Variants in IL1RN observed in about 807,000 individuals in gnomAD.
IL1RN encodes interleukin 1 receptor antagonist.
Under a neutral mutation model 13.7 loss-of-function variants are expected in IL1RN, and 10 were observed. That is an observed-to-expected ratio of 0.73 (90% CI 0.45 to 1.24). IL1RN has a LOEUF of 1.24. Among genes scored for constraint, IL1RN ranks in the 50% most tolerant of loss-of-function variants. The pLI, the probability that IL1RN is intolerant of heterozygous loss-of-function variation, is 0.00. For synonymous variants in IL1RN, 102 were observed against 82.7 expected, an observed-to-expected ratio of 1.23 and a Z score of -1.27; for missense variants, 213 against 222.1, an observed-to-expected ratio of 0.96 and a Z score of 0.26.
chr2:113,127,598 A>G lies in IL1RN; in HGVS notation c.-27A>G. 1 of 1,612,688 alleles carries G rather than the reference A, an allele frequency of 6.2e-7. No homozygotes were observed. The highest frequency in any genetic ancestry group is 8.5e-7 in the Non-Finnish European group (1 of 1,179,204). ...ACCACAACTCTGGGCCCGCAATGGCAGTCCACTGCCTTGCTGCAGTCACAG... is the reference window on the plus strand; with the variant it reads ...ACCACAACTCTGGGCCCGCAATGGCGGTCCACTGCCTTGCTGCAGTCACAG... On this transcript the variant is annotated 5_prime_UTR_variant, in exon 1 of 4. Transcript: ENST00000409930.
At chr2:113,107,082 A>G (rs1322074905), upstream of IL1RN, 2 of 152,222 alleles carry the variant, frequency 1.3e-5, no homozygotes, top group Non-Finnish European at 2.9e-5. Context: ...TTAAGACACT[A>G]TGAGGATAGT....
At chr2:113,121,135 TTCA>T (rs34928804) in intron 2 of IL1RN, among the ~76,000 whole-genome samples, 74,947 of 150,796 alleles carry the variant, frequency 0.5, 19,657 homozygotes, top group Middle Eastern at 0.6. Flanking sequence ...CTTATTCTTC[TTCA>T]TCGTCTTCGT....
upstream of IL1RN, among the ~76,000 whole-genome samples, chr2:113,105,114 G>A (rs1180311284): frequency 6.6e-6 from 1 of 152,184 alleles, no homozygotes; most frequent in African/African-American, 2.4e-5. Context: ...CTGGGCTCAG[G>A]GGTGGATGAG....
chr2:113,123,841 T>C (rs931486176), upstream of IL1RN, among the ~76,000 whole-genome samples: 2 of 152,126 alleles, frequency 1.3e-5, no homozygotes, highest in African/African-American at 4.8e-5. Context: ...GGCAGAGAAC[T>C]AACAACTGTA....
upstream of IL1RN, chr2:113,117,879 T>C (rs561597855): frequency 1.3e-6 from 1 of 768,930 alleles, no homozygotes; most frequent in Admixed American, 1.7e-5. Context: ...CTCTCTGAGG[T>C]GCTCTGGAAG....
chr2:113,120,208 G>A (rs1686722331), intron 2 of IL1RN: 2 of 955,022 alleles, frequency 2.1e-6, no homozygotes, highest in South Asian at 2.6e-5. Context: ...TGTAGTTGAA[G>A]GAAATTAAAG....
rs1000283096 is a variant in IL1RN, at chr2:113,121,431, T to C, written c.73+1303T>C. ...TCCCCATGGTGTCTGTTCTTCTCCA[T>C]TTCCTCCTGTCTGCAGGGGGATTAT... On this transcript the variant is annotated intron_variant, in intron 2 of 5. Coordinates refer to the IL1RN transcript ENST00000259206. 10 of 984,500 alleles carry C rather than the reference T, an allele frequency of 1.0e-5. No homozygotes were observed. The African/African-American group carries it at 1.7e-4, about 17-fold the overall frequency. 61.0% of individuals were successfully genotyped at this position (984,500 alleles called of 1,614,324 possible). A position where few individuals can be genotyped will look rare whatever the true frequency, so the allele number is the denominator to read the frequency against.
upstream of IL1RN, among the ~76,000 whole-genome samples, chr2:113,106,704 C>T (rs559450436): frequency 6.6e-6 from 1 of 152,266 alleles, no homozygotes; most frequent in South Asian, 2.1e-4. Context: ...CTTTCAACTT[C>T]AGGCATGAAG....
upstream of IL1RN, chr2:113,112,977 C>A (rs1686526215): frequency 6.6e-6 from 1 of 152,176 alleles, no homozygotes; most frequent in Non-Finnish European, 1.5e-5. Flanking sequence ...TGACTGACGG[C>A]TCTACCACCT....
chr2:113,129,326 G>T (rs987415321), intron 1 of IL1RN, among the ~76,000 whole-genome samples: 1 of 152,208 alleles, frequency 6.6e-6, no homozygotes, highest in Non-Finnish European at 1.5e-5. Flanking sequence ...GGGAATCTCA[G>T]ATGGGAAGCA....
intron 1 of IL1RN, among the ~76,000 whole-genome samples, chr2:113,128,881 A>T (rs1438967790): frequency 2.0e-5 from 3 of 152,120 alleles, no homozygotes; most frequent in Non-Finnish European, 4.4e-5. Flanking sequence ...AGAAGAAAGG[A>T]TTGGGACCCA....
At position 113,133,449 on chromosome 2, in the gene IL1RN, A is replaced by G. The variant is rs1687246042; in HGVS notation, c.*578A>G. On this transcript the variant is annotated 3_prime_UTR_variant, in exon 4 of 4. Transcript: ENST00000409930. ...CTTAAAATATTCCTGCATTTGTGAA[A>G]TGATGGTGAAAGTAAGTGGTAGCTT... 1 of 157,764 alleles carries G rather than the reference A, an allele frequency of 6.3e-6. No individual in the cohort carries two copies. Among genetic ancestry groups the G allele is most frequent in the Non-Finnish European group, 1.4e-5 (1 of 71,076 alleles). 9.8% of individuals were successfully genotyped at this position (157,764 alleles called of 1,614,324 possible). A position where few individuals can be genotyped will look rare whatever the true frequency, so the allele number is the denominator to read the frequency against.
At chr2:113,100,573 C>A in the IL1RN span, among the ~76,000 whole-genome samples, 1 of 152,192 alleles carries the variant, frequency 6.6e-6, no homozygotes, top group Admixed American at 6.5e-5. Flanking sequence ...GCATTTCCTA[C>A]AGGGCCCCAC....
At chr2:113,116,693 G>A (rs1442112613), upstream of IL1RN, among the ~76,000 whole-genome samples, 1 of 152,254 alleles carries the variant, frequency 6.6e-6, no homozygotes. Flanking sequence ...TTCCCTGTCA[G>A]GAGGGACAGA....
upstream of IL1RN, among the ~76,000 whole-genome samples, chr2:113,114,364 C>T (rs1316796871): frequency 1.3e-5 from 2 of 151,136 alleles, no homozygotes; most frequent in Admixed American, 1.3e-4. Flanking sequence ...AACTCTAGTC[C>T]CAGTTTCTTA....
chr2:113,108,048 G>T (rs1686413720), upstream of IL1RN, among the ~76,000 whole-genome samples: 1 of 152,134 alleles, frequency 6.6e-6, no homozygotes, highest in South Asian at 2.1e-4. Context: ...AGTTCTGTAG[G>T]TCAGAAATTT....
At position 113,127,649 on chromosome 2, in the gene IL1RN, A is replaced by C. The variant is rs199841275; in HGVS notation, c.25A>C (p.Ser9Arg). MEICRGLR[S>R]HLITLLLFLF... ...AATGGAAATCTGCAGAGGCCTCCGCAGTCACCTAATCACTCTCCTCCTCTT... is the reference window on the plus strand; with the variant it reads ...AATGGAAATCTGCAGAGGCCTCCGCCGTCACCTAATCACTCTCCTCCTCTT... Residue 9 changes from serine (S) to arginine (R), a missense_variant, in exon 1 of 4, where the codon AGT becomes CGT. By Grantham distance (110) the Ser-to-Arg change is moderately radical. Coordinates refer to ENST00000409930, the MANE Select transcript of IL1RN (RefSeq NM_173842.3). The C allele has an allele frequency of 6.2e-7, 1 of 1,614,008 alleles. No individual in the cohort carries two copies. Among genetic ancestry groups the C allele is most frequent in the African/African-American group, 1.3e-5 (1 of 74,918 alleles).
chr2:113,132,851 T>C lies in IL1RN; in HGVS notation c.514T>C (p.Tyr172His). Residue 172 changes from tyrosine (Y) to histidine (H), a missense_variant, in exon 4 of 4, where the codon TAC becomes CAC. Physicochemically the swap from Tyr to His is moderately conservative, Grantham distance 83. Transcript: ENST00000409930. ...CGAAGGCGTCATGGTCACCAAATTC[T>C]ACTTCCAGGAGGACGAGTAGTACTG... is the stretch of plus-strand genomic sequence containing the variant. ...PDEGVMVTKF[Y>H]FQEDE 6.2e-7 allele frequency: 1 copy of C among 1,614,220 alleles called. No homozygotes were observed. Among genetic ancestry groups the C allele is most frequent in the Non-Finnish European group, 8.5e-7 (1 of 1,180,024 alleles).
intron 3 of IL1RN, 46 bp from the exon 4 acceptor site, chr2:113,132,610 G>T (rs1687211993): frequency 1.3e-6 from 2 of 1,552,882 alleles, no homozygotes; most frequent in Non-Finnish European, 1.8e-6. Context: ...GGCAGCACAG[G>T]ACTTCCTAGG....
Sources: allele counts gnomAD v4.1 joint callset (sites outside exome capture counted in the v4.1 genomes callset), GRCh38; gene constraint gnomAD v4.1.1; transcripts MANE v1.5; gene names NCBI Gene and HGNC (gene_info 2026-07-23, HGNC 2026-07-21).